TAFA1: variants seen among roughly 807,000 people sequenced by gnomAD.
The protein encoded by TAFA1 is TAFA chemokine like family member 1, also known as chemokine-like protein TAFA-1.
In TAFA1, 4 loss-of-function variants were observed where a neutral mutation model predicts 18.5. The ratio of observed to expected loss-of-function variants is 0.22; its 90% confidence interval spans 0.11 to 0.49. The LOEUF is 0.49. Ranked by LOEUF, TAFA1 falls within the 20% of genes least tolerant of loss-of-function variation. The probability of loss-of-function intolerance (pLI) is 0.98; values close to 1 mark genes in which losing one functional copy is unlikely to be tolerated. For synonymous variants in TAFA1, 56 were observed against 55.2 expected, an observed-to-expected ratio of 1.01 and a Z score of -0.06; for missense variants, 147 against 169.0, an observed-to-expected ratio of 0.87 and a Z score of 0.72.
chr3:68,090,052 G>T (rs938656656), intron 2 of TAFA1, among the ~76,000 whole-genome samples: 1 of 152,128 alleles, frequency 6.6e-6, no homozygotes, highest in African/African-American at 2.4e-5. Context: ...TACTCACTAA[G>T]AATTCCTTCA....
Position 68,188,551 on chromosome 3 carries a change from G to A in TAFA1, c.118+181807G>A, listed in dbSNP as rs183718261. ...GAGAGAGAGAGAGAGAGTACCATCAGAAACTAGCATCTAATTTTATTTTTA... is the reference window on the plus strand; with the variant it reads ...GAGAGAGAGAGAGAGAGTACCATCAAAAACTAGCATCTAATTTTATTTTTA... On this transcript the variant is annotated intron_variant, in intron 2 of 4. Coordinates refer to ENST00000478136, the MANE Select transcript of TAFA1 (RefSeq NM_213609.4). 1.0e-3 allele frequency among the ~76,000 whole-genome samples: 155 copies of A among 149,158 alleles called. 3 individuals are homozygous for A. In the Middle Eastern group the frequency reaches 0.014, roughly 13 times the overall value.
chr3:68,356,792 G>T (rs1385792353), intron 2 of TAFA1, among the ~76,000 whole-genome samples: 1 of 151,890 alleles, frequency 6.6e-6, no homozygotes, highest in East Asian at 1.9e-4. Context: ...ATACATACAT[G>T]CATACATACA....
At chr3:68,068,742 T>C (rs138496862) in intron 2 of TAFA1, among the ~76,000 whole-genome samples, 2 of 152,340 alleles carry the variant, frequency 1.3e-5, no homozygotes, top group East Asian at 3.9e-4. Flanking sequence ...TCCACTTTTT[T>C]TCTTAGTAAA....
At chr3:68,185,271 A>C (rs944921888) in intron 2 of TAFA1, among the ~76,000 whole-genome samples, 3 of 152,098 alleles carry the variant, frequency 2.0e-5, no homozygotes, top group African/African-American at 7.2e-5. Context: ...GACGTTTCCA[A>C]ATAGAGCAAA....
intron 4 of TAFA1, among the ~76,000 whole-genome samples, chr3:68,539,812 T>A (rs917538651): frequency 2.0e-5 from 3 of 151,428 alleles, no homozygotes; most frequent in Non-Finnish European, 4.4e-5. Flanking sequence ...CAGGCTGGAG[T>A]GAAGTGGTGT....
At chr3:68,192,767 C>A (rs993354315) in intron 2 of TAFA1, among the ~76,000 whole-genome samples, 7 of 151,714 alleles carry the variant, frequency 4.6e-5, no homozygotes, top group African/African-American at 1.7e-4. Flanking sequence ...AAGGGACACT[C>A]CAAGCATATA....
intron 3 of TAFA1, among the ~76,000 whole-genome samples, chr3:68,449,434 C>T (rs934436736): frequency 3.3e-5 from 5 of 152,110 alleles, no homozygotes; most frequent in African/African-American, 9.6e-5. Context: ...ACAGAGGATG[C>T]GAGACCCTAA....
intron 2 of TAFA1, among the ~76,000 whole-genome samples, chr3:68,037,313 G>A (rs1034292513): frequency 6.6e-6 from 1 of 152,130 alleles, no homozygotes; most frequent in African/African-American, 2.4e-5. Flanking sequence ...ACGCCAAAGA[G>A]GAAAGGACCA....
intron 2 of TAFA1, among the ~76,000 whole-genome samples, chr3:68,213,824 A>G (rs2066622603): frequency 6.6e-6 from 1 of 152,114 alleles, no homozygotes; most frequent in Non-Finnish European, 1.5e-5. Flanking sequence ...CCAGTGGGAA[A>G]GTTCTGCTTA....
chr3:68,025,565 C>G (rs1470634698), intron 2 of TAFA1, among the ~76,000 whole-genome samples: 1 of 152,118 alleles, frequency 6.6e-6, no homozygotes, highest in Non-Finnish European at 1.5e-5. Flanking sequence ...TAATAATATG[C>G]CCTCAACTTT....
intron 2 of TAFA1, among the ~76,000 whole-genome samples, chr3:68,242,653 T>A (rs999097620): frequency 6.6e-6 from 1 of 152,204 alleles, no homozygotes; most frequent in African/African-American, 2.4e-5. Context: ...GTTTGGGAAC[T>A]GAAAATGCCA....
intron 2 of TAFA1, among the ~76,000 whole-genome samples, chr3:68,133,698 G>T (rs1443925998): frequency 6.6e-6 from 1 of 151,956 alleles, no homozygotes; most frequent in South Asian, 2.1e-4. Flanking sequence ...GAATGCTTTT[G>T]GTTTTTGCAC....
intron 2 of TAFA1, among the ~76,000 whole-genome samples, chr3:68,047,818 T>C (rs1283470790): frequency 6.6e-6 from 1 of 152,070 alleles, no homozygotes; most frequent in Non-Finnish European, 1.5e-5. Context: ...ACCAACCTAA[T>C]AGGTATGATA....
At chr3:68,286,107 A>T (rs1424394713) in intron 2 of TAFA1, among the ~76,000 whole-genome samples, 2 of 152,066 alleles carry the variant, frequency 1.3e-5, no homozygotes, top group Non-Finnish European at 2.9e-5. Context: ...GCTACTCGGG[A>T]GGCTGAGGCA....
chr3:68,006,695 C>T lies in TAFA1; in HGVS notation c.69C>T (p.Cys23=), dbSNP rs759440932. The T allele has an allele frequency of 3.7e-6, 6 of 1,613,894 alleles. No homozygotes were observed. Among genetic ancestry groups the T allele is most frequent in the Non-Finnish European group, 2.5e-6 (3 of 1,179,882 alleles). ...TAAGTGCTTGTGCAATGCTACTCTG[C>T]CATGGATCCCTTCAGCACACTTTCC... The part of the protein sequence containing the change: ...LWISACAMLL[C]HGSLQHTFQQ... Residue 23 remains cysteine (C), a synonymous_variant, in exon 2 of 5, where the codon TGC becomes TGT. Coordinates refer to ENST00000478136, the MANE Select transcript of TAFA1 (RefSeq NM_213609.4).
intron 2 of TAFA1, among the ~76,000 whole-genome samples, chr3:68,314,612 T>A (rs796269697): frequency 6.6e-6 from 1 of 152,240 alleles, no homozygotes; most frequent in East Asian, 1.9e-4. Flanking sequence ...TGATTTGTGA[T>A]GGCTACTAGT....
At chr3:68,038,150 AT>A (rs1705091321) in intron 2 of TAFA1, among the ~76,000 whole-genome samples, 1 of 152,162 alleles carries the variant, frequency 6.6e-6, no homozygotes, top group African/African-American at 2.4e-5. Flanking sequence ...GCCTTGTAGA[AT>A]TCTTTATCGT....
At chr3:68,227,806 A>G (rs934307167) in intron 2 of TAFA1, among the ~76,000 whole-genome samples, 5 of 152,306 alleles carry the variant, frequency 3.3e-5, no homozygotes, top group Non-Finnish European at 7.4e-5. Flanking sequence ...TATTGGGAGC[A>G]TCTGGGGCTT....
chr3:68,427,003 A>G (rs564633654), intron 3 of TAFA1, among the ~76,000 whole-genome samples: 1 of 151,950 alleles, frequency 6.6e-6, no homozygotes, highest in South Asian at 2.1e-4. Context: ...GCCACTTAAG[A>G]GAAGCAAAAT....
Sources: gnomAD v4.1 joint callset for allele counts (sites outside exome capture counted in the v4.1 genomes callset) on GRCh38, gnomAD v4.1.1 for gene constraint, MANE v1.5 for transcripts, NCBI Gene and HGNC (gene_info 2026-07-23, HGNC 2026-07-21) for gene names.